Variants in TANC1 observed in about 807,000 individuals in gnomAD.
TANC1 encodes the protein protein TANC1.
In TANC1, 77 loss-of-function variants were observed where a neutral mutation model predicts 149.7. The ratio of observed to expected loss-of-function variants is 0.51; its 90% CI spans 0.43 to 0.62. TANC1 has a LOEUF of 0.62. Among genes scored for constraint, TANC1 ranks in the 20% least tolerant of loss-of-function variants. The probability of loss-of-function intolerance (pLI) is 0.00; values close to 1 mark genes in which losing one functional copy is unlikely to be tolerated. For missense variants in TANC1, 1,985 were observed against 2,321.8 expected, an observed-to-expected ratio of 0.85 and a Z score of 2.98; for synonymous variants, 854 against 925.0, an observed-to-expected ratio of 0.92 and a Z score of 1.39.
chr2:159,219,362 G>A lies in TANC1; in HGVS notation c.3502+1G>A. ...ACCGTGGAATTCCTCCTTTCAAAAG[G>A]TAGCAGCGTGATGCCCTCAAAGGTT... On this transcript the variant is annotated splice_donor_variant, in intron 21 of 26. Coordinates refer to ENST00000263635, the MANE Select transcript of TANC1 (RefSeq NM_033394.3). LOFTEE classifies it high-confidence loss of function. 1 of 1,601,874 alleles carries A rather than the reference G, an allele frequency of 6.2e-7. No homozygotes were observed. The highest frequency in any genetic ancestry group is 8.5e-7 in the Non-Finnish European group (1 of 1,171,874).
At chr2:158,982,774 AT>A (rs560909514) in intron 1 of TANC1, among the ~76,000 whole-genome samples, 1 of 152,004 alleles carries the variant, frequency 6.6e-6, no homozygotes, top group African/African-American at 2.4e-5. Flanking sequence ...TGCCTGACTA[AT>A]TTTTTTATTT....
At chr2:159,200,403 G>A (rs10929937) in intron 19 of TANC1, among the ~76,000 whole-genome samples, 144,906 of 152,324 alleles carry the variant, frequency 0.95, 68,933 homozygotes, top group East Asian at 1. Context: ...CCTGACATAG[G>A]GTGACACACA....
intron 2 of TANC1, among the ~76,000 whole-genome samples, chr2:159,044,091 C>G (rs568206907): frequency 6.6e-6 from 1 of 152,138 alleles, no homozygotes; most frequent in Admixed American, 6.5e-5. Context: ...ACTTGCTAAC[C>G]GTGTGCTGAG....
chr2:159,104,471 A>G (rs1164781619), intron 4 of TANC1, among the ~76,000 whole-genome samples: 1 of 95,920 alleles, frequency 1.0e-5, no homozygotes, highest in African/African-American at 2.9e-5. Flanking sequence ...TGATTCTAAT[A>G]TGTAACAAAG....
chr2:159,020,093 C>A (rs558112513), intron 2 of TANC1, among the ~76,000 whole-genome samples: 128 of 152,284 alleles, frequency 8.4e-4, no homozygotes, highest in African/African-American at 3.0e-3. Context: ...TTTGAATTAA[C>A]AATTCTGACT....
intron 3 of TANC1, among the ~76,000 whole-genome samples, chr2:159,071,897 T>A (rs1302569198): frequency 6.6e-6 from 1 of 152,210 alleles, no homozygotes; most frequent in East Asian, 1.9e-4. Flanking sequence ...GTATTGTATT[T>A]TTCTTTACTG....
intron 1 of TANC1, among the ~76,000 whole-genome samples, chr2:158,982,470 A>G (rs2034490589): frequency 6.6e-6 from 1 of 152,268 alleles, no homozygotes; most frequent in African/African-American, 2.4e-5. Context: ...TTCCTGTTTC[A>G]TAGAGGTTAT....
intron 18 of TANC1, 110 bp downstream of exon 18, chr2:159,196,903 C>T (rs1311284875): frequency 1.2e-5 from 12 of 1,011,326 alleles, no homozygotes; most frequent in East Asian, 7.9e-5. Context: ...TAGCATTTGG[C>T]GTTGACCACC....
rs9287782 is a variant in TANC1 at position 159,147,345 on chromosome 2, A to G, written c.365-1797A>G. ...CCCCTCACCCACTTCTTCCCTTTCC[A>G]TCTGCGTCCTGTTCCCTCCCTCCAG... On this transcript the variant is annotated intron_variant, in intron 5 of 26. Transcript: ENST00000263635. Among the ~76,000 whole-genome samples the G allele has an allele frequency of 3.9e-3, 592 of 152,290 alleles. 1 individual carries two copies. Among genetic ancestry groups the G allele is most frequent in the African/African-American group, 0.014 (575 of 41,562 alleles).
intron 3 of TANC1, among the ~76,000 whole-genome samples, chr2:159,070,791 C>G (rs1370115253): frequency 6.6e-6 from 1 of 152,170 alleles, no homozygotes; most frequent in African/African-American, 2.4e-5. Flanking sequence ...GAGGATTCTT[C>G]AGTCATAGAC....
chr2:159,170,648 C>G lies in TANC1; in HGVS notation c.1194C>G (p.Asn398Lys). The part of the protein sequence containing the change: ...RDWLFHQIEE[N>K]LRNTELAENR... ...GGCTCTTTCACCAGATAGAAGAAAACTTGAGGAACACAGAACTGGCAGAAA... is the reference window on the plus strand; with the variant it reads ...GGCTCTTTCACCAGATAGAAGAAAAGTTGAGGAACACAGAACTGGCAGAAA... Residue 398 changes from asparagine (N) to lysine (K), a missense_variant, in exon 10 of 27, where the codon AAC becomes AAG. Asn to Lys is a moderately conservative substitution (Grantham distance 94, BLOSUM62 0). Around this residue, in one of 3 missense-constraint regions of TANC1, gnomAD observed 557 missense variants for 612.9 expected, o/e 0.91. Coordinates refer to ENST00000263635, the MANE Select transcript of TANC1 (RefSeq NM_033394.3). 1.9e-6 allele frequency: 3 copies of G among 1,614,078 alleles called. No individual in the cohort carries two copies. Among genetic ancestry groups the G allele is most frequent in the African/African-American group, 2.7e-5 (2 of 74,988 alleles).
Position 159,224,111 on chromosome 2 carries a change from G to T in TANC1, c.3679-121G>T, listed in dbSNP as rs968967758. ...CGTGTCCACTTTATTTCTAGTCTAG[G>T]ATCCTTAATAGGCAGAGGCATCTAA... On this transcript the variant is annotated intron_variant, in intron 22 of 26. Coordinates refer to ENST00000263635, the MANE Select transcript of TANC1 (RefSeq NM_033394.3). The T allele has an allele frequency of 2.5e-5, 29 of 1,144,660 alleles. No individual in the cohort carries two copies. In the Admixed American group the frequency reaches 5.2e-4, roughly 21 times the overall value. 70.9% of individuals were successfully genotyped at this position (1,144,660 alleles called of 1,614,324 possible).
chr2:159,117,249 G>C (rs984832203), intron 4 of TANC1, among the ~76,000 whole-genome samples: 1 of 152,144 alleles, frequency 6.6e-6, no homozygotes, highest in Non-Finnish European at 1.5e-5. Flanking sequence ...TTTAAATTCA[G>C]AATAGCGTTA....
chr2:159,071,591 G>A (rs1318257810), intron 3 of TANC1, among the ~76,000 whole-genome samples: 1 of 152,160 alleles, frequency 6.6e-6, no homozygotes, highest in Non-Finnish European at 1.5e-5. Context: ...AAGTTTAAAA[G>A]CCATTGATGT....
chr2:159,053,106 G>C (rs1280896834), intron 2 of TANC1, among the ~76,000 whole-genome samples: 1 of 149,440 alleles, frequency 6.7e-6, no homozygotes, highest in Non-Finnish European at 1.5e-5. Context: ...TTTGAGACTA[G>C]ATTTGTTAAC....
chr2:159,163,183 A>G lies in TANC1; in HGVS notation c.683-100A>G, dbSNP rs2054220272. On this transcript the variant is annotated intron_variant, in intron 7 of 26. Transcript: ENST00000263635. ...TTGATAAAAATCTGTGTGGACTGGAAAACTTTCCATTGATCCTGGGGAGGG... is the reference window on the plus strand; with the variant it reads ...TTGATAAAAATCTGTGTGGACTGGAGAACTTTCCATTGATCCTGGGGAGGG... 4.1e-6 allele frequency: 5 copies of G among 1,233,274 alleles called. No individual in the cohort carries two copies. In the Admixed American group the frequency reaches 1.0e-4, roughly 25 times the overall value. The allele number at this position is 1,233,274 out of a possible 1,614,324, so 76.4% of individuals were successfully genotyped here.
chr2:159,189,282 A>G (rs2057261828), intron 16 of TANC1, among the ~76,000 whole-genome samples: 1 of 152,188 alleles, frequency 6.6e-6, no homozygotes, highest in Admixed American at 6.5e-5. Context: ...GCCGACCTTG[A>G]GGATGTGATG....
chr2:159,222,454 G>T (rs2059766542), intron 22 of TANC1, among the ~76,000 whole-genome samples: 1 of 152,162 alleles, frequency 6.6e-6, no homozygotes, highest in Non-Finnish European at 1.5e-5. Context: ...TACCCCTTTA[G>T]ATATCTCATG....
At chr2:159,052,259 G>C (rs1397936878) in intron 2 of TANC1, among the ~76,000 whole-genome samples, 8 of 152,188 alleles carry the variant, frequency 5.3e-5, no homozygotes, top group Non-Finnish European at 7.3e-5. Flanking sequence ...AATATCTAGA[G>C]TCTGTCTCCT....
Sources: gnomAD v4.1 joint callset for allele counts (sites outside exome capture counted in the v4.1 genomes callset) on GRCh38, gnomAD v4.1.1 for gene constraint, gnomAD v4.1.1 regional missense constraint, MANE v1.5 for transcripts, NCBI Gene and HGNC (gene_info 2026-07-23, HGNC 2026-07-21) for gene names.